The following LOC128706666 variants were observed in gnomAD, a reference collection of about 807,000 sequenced individuals.
the LOC128706666 span, among the ~76,000 whole-genome samples, chr20:10,415,742 A>T: frequency 2.6e-5 from 4 of 152,374 alleles, no homozygotes; most frequent in South Asian, 8.3e-4. Flanking sequence ...TTTTCTAGTT[A>T]GAACATTTTC....
At chr20:10,430,615 A>C in the LOC128706666 span, among the ~76,000 whole-genome samples, 3 of 152,294 alleles carry the variant, frequency 2.0e-5, no homozygotes, top group African/African-American at 7.2e-5. Context: ...TAAGAATAAA[A>C]ATACCCAGTC....
At chr20:10,426,846 A>G in the LOC128706666 span, among the ~76,000 whole-genome samples, 2 of 152,236 alleles carry the variant, frequency 1.3e-5, no homozygotes, top group Non-Finnish European at 2.9e-5. Flanking sequence ...CTCCAAAAAC[A>G]CATCCGTGAC....
the LOC128706666 span, among the ~76,000 whole-genome samples, chr20:10,414,326 C>A: frequency 7.0e-6 from 1 of 141,966 alleles, no homozygotes; most frequent in South Asian, 2.3e-4. Flanking sequence ...AGTGCAATGG[C>A]GTGATCTTGG....
At chr20:10,433,950 C>T in the LOC128706666 span, among the ~76,000 whole-genome samples, 10 of 152,338 alleles carry the variant, frequency 6.6e-5, no homozygotes, top group Admixed American at 2.6e-4. Context: ...TCGCCTCCTA[C>T]AGAGAGCCAG....
chr20:10,433,636 G>C, the LOC128706666 span, among the ~76,000 whole-genome samples: 1 of 152,174 alleles, frequency 6.6e-6, no homozygotes, highest in African/African-American at 2.4e-5. Flanking sequence ...CCCCGCGGCT[G>C]CTTTCACGTA....
the LOC128706666 span, among the ~76,000 whole-genome samples, chr20:10,427,029 G>GACACACACACAGACACACTC: frequency 7.6e-6 from 1 of 130,724 alleles, no homozygotes. Flanking sequence ...AGAAAACACT[G>GACACACACACAGACACACTC]ACACACACAC....
the LOC128706666 span, among the ~76,000 whole-genome samples, chr20:10,421,766 T>C: frequency 6.6e-6 from 1 of 151,672 alleles, no homozygotes; most frequent in African/African-American, 2.4e-5. Context: ...ACAAAGTTAG[T>C]TAGCTTTTAA....
chr20:10,433,612 C>T, the LOC128706666 span, among the ~76,000 whole-genome samples: 1 of 152,186 alleles, frequency 6.6e-6, no homozygotes, highest in African/African-American at 2.4e-5. Flanking sequence ...CTACAAGGTC[C>T]ACAGCCCTGC....
At chr20:10,419,317 A>G in the LOC128706666 span, among the ~76,000 whole-genome samples, 1 of 152,130 alleles carries the variant, frequency 6.6e-6, no homozygotes, top group Non-Finnish European at 1.5e-5. Flanking sequence ...CATAATTCAG[A>G]ATTTCTTAGA....
At chr20:10,420,319 T>C in the LOC128706666 span, among the ~76,000 whole-genome samples, 1 of 152,346 alleles carries the variant, frequency 6.6e-6, no homozygotes, top group Non-Finnish European at 1.5e-5. Flanking sequence ...TCCCTTTGCA[T>C]TCAATTGACT....
the LOC128706666 span, chr20:10,420,773 C>G: frequency 2.6e-5 from 4 of 152,180 alleles, no homozygotes; most frequent in Admixed American, 6.5e-5. Flanking sequence ...GAAAAGGTTA[C>G]AGTTAGAGGA....
At chr20:10,429,034 GAA>G in the LOC128706666 span, among the ~76,000 whole-genome samples, 1 of 152,050 alleles carries the variant, frequency 6.6e-6, no homozygotes, top group Non-Finnish European at 1.5e-5. Flanking sequence ...TTTCTCCACT[GAA>G]AAGAGTCAAA....
the LOC128706666 span, among the ~76,000 whole-genome samples, chr20:10,431,153 G>A: frequency 2.0e-5 from 3 of 152,010 alleles, no homozygotes; most frequent in Non-Finnish European, 2.9e-5. Context: ...TATCTTATAC[G>A]AATCATATAT....
At chr20:10,418,506 C>T in the LOC128706666 span, among the ~76,000 whole-genome samples, 1 of 151,970 alleles carries the variant, frequency 6.6e-6, no homozygotes, top group Non-Finnish European at 1.5e-5. Context: ...ACTCTAAATC[C>T]GGCTCTAACT....
chr20:10,430,763 C>G, the LOC128706666 span, among the ~76,000 whole-genome samples: 1 of 152,206 alleles, frequency 6.6e-6, no homozygotes, highest in Non-Finnish European at 1.5e-5. Context: ...AGTCAGAAAA[C>G]TGATACAGAG....
the LOC128706666 span, among the ~76,000 whole-genome samples, chr20:10,432,423 C>A: frequency 6.6e-6 from 1 of 152,158 alleles, no homozygotes; most frequent in Non-Finnish European, 1.5e-5. Context: ...GTGCAATCAC[C>A]CCTCAGTATT....
chr20:10,432,867 T>G, the LOC128706666 span, among the ~76,000 whole-genome samples: 2 of 148,490 alleles, frequency 1.3e-5, no homozygotes, highest in East Asian at 3.9e-4. Flanking sequence ...CCTTAAATAA[T>G]CTCTAGGCTA....
At chr20:10,419,446 C>T in the LOC128706666 span, among the ~76,000 whole-genome samples, 2 of 152,118 alleles carry the variant, frequency 1.3e-5, no homozygotes, top group African/African-American at 4.8e-5. Flanking sequence ...TGCAGTGAAA[C>T]TCAATTTTCA....
the LOC128706666 span, among the ~76,000 whole-genome samples, chr20:10,423,852 C>A: frequency 6.6e-6 from 1 of 152,218 alleles, no homozygotes; most frequent in Non-Finnish European, 1.5e-5. Flanking sequence ...CTAAACATCA[C>A]TGAGACTCAG....
Sources: gnomAD v4.1 joint callset for allele counts (sites outside exome capture counted in the v4.1 genomes callset) on GRCh38, gnomAD v4.1.1 for gene constraint, MANE v1.5 for transcripts.